MYOZ3: variants seen among roughly 807,000 people sequenced by gnomAD.
MYOZ3 encodes the protein myozenin 3, also known as myozenin-3.
Under a neutral mutation model 26.5 loss-of-function variants are expected in MYOZ3, and 19 were observed. The observed-to-expected ratio is 0.72, with a 90% confidence interval of 0.50 to 1.05. The LOEUF is 1.05. MYOZ3 is among the 50% of genes least tolerant of loss of function. The pLI, the probability that MYOZ3 is intolerant of heterozygous loss-of-function variation, is 0.00. For synonymous variants in MYOZ3, 135 were observed against 138.8 expected, an observed-to-expected ratio of 0.97 and a Z score of 0.19; for missense variants, 322 against 337.1, an observed-to-expected ratio of 0.96 and a Z score of 0.35.
At chr5:150,670,711 C>T (rs1758892437) in intron 3 of MYOZ3, 73 bp downstream of exon 3, 2 of 1,449,306 alleles carry the variant, frequency 1.4e-6, no homozygotes, top group Non-Finnish European at 1.9e-6. Context: ...TAAAGTCAAA[C>T]GGTAAGCCAG....
chr5:150,678,940 T>C lies in MYOZ3; in HGVS notation c.*2065T>C, dbSNP rs1004106435. 6.6e-6 allele frequency: 1 copy of C among 152,406 alleles called. No homozygotes were observed. Among genetic ancestry groups the C allele is most frequent in the Non-Finnish European group, 1.5e-5 (1 of 68,080 alleles). The allele number at this position is 152,406 out of a possible 1,614,324, so 9.4% of individuals were successfully genotyped here. A position where few individuals can be genotyped will look rare whatever the true frequency, so the allele number is the denominator to read the frequency against. On this transcript the variant is annotated 3_prime_UTR_variant, in exon 7 of 7. Coordinates refer to ENST00000517768, the MANE Select transcript of MYOZ3 (RefSeq NM_001122853.3). ...TCCCTGCCTCTCTCTCTGGGGGCGA[T>C]GGGGAAGGTCAGGAGTCCAGCCCAT...
chr5:150,672,371 A>G lies in MYOZ3; in HGVS notation c.456A>G (p.Pro152=). 1 of 1,612,154 alleles carries G rather than the reference A, an allele frequency of 6.2e-7. No homozygotes were observed. The highest frequency in any genetic ancestry group is 8.5e-7 in the Non-Finnish European group (1 of 1,179,374). Reference sequence around the variant, plus strand: ...CGGAGCCGCTGAAGGGCGTCCCGCCAGAGAAGTTCAACCACACCGCCATCT... The same window carrying G: ...CGGAGCCGCTGAAGGGCGTCCCGCCGGAGAAGTTCAACCACACCGCCATCT... The part of the protein sequence containing the change: ...GYAEPLKGVP[P]EKFNHTAISK... The change falls in exon 6 of 7, where the codon CCA becomes CCG. Residue 152 remains proline, a synonymous_variant. Coordinates refer to ENST00000517768, the MANE Select transcript of MYOZ3 (RefSeq NM_001122853.3).
chr5:150,668,127 A>C (rs1284311898), intron 2 of MYOZ3, among the ~76,000 whole-genome samples: 1 of 152,140 alleles, frequency 6.6e-6, no homozygotes, highest in Non-Finnish European at 1.5e-5. Flanking sequence ...TTGTTTGAAA[A>C]ACCAGGCCAG....
intron 6 of MYOZ3, among the ~76,000 whole-genome samples, 176 bp from the exon 7 acceptor site, chr5:150,676,531 G>A (rs1213753745): frequency 4.4e-5 from 6 of 137,342 alleles, no homozygotes; most frequent in Non-Finnish European, 7.5e-5. Context: ...GTGACAGAGC[G>A]AGACTCTGTC....
rs1242431762 is a variant in MYOZ3 at position 150,672,324 on chromosome 5, C to A, written c.425-16C>A. The A allele has an allele frequency of 3.2e-6, 5 of 1,584,772 alleles. No homozygotes were observed. The highest frequency in any genetic ancestry group is 1.3e-5 in the African/African-American group (1 of 74,694). ...GGTGGAAGAACGGAGGCGCTCCCTT[C>A]CCCCCGCGCCCCTAGGCTATGCGGA... On this transcript the variant is annotated splice_polypyrimidine_tract_variant and intron_variant, in intron 5 of 6. Transcript: ENST00000517768.
intron 6 of MYOZ3, among the ~76,000 whole-genome samples, chr5:150,675,224 G>T (rs1361960549): frequency 6.6e-6 from 1 of 151,412 alleles, no homozygotes; most frequent in Non-Finnish European, 1.5e-5. Flanking sequence ...GGGGAATGGC[G>T]TTTGTGTGTG....
chr5:150,675,153 G>T (rs576258929), intron 6 of MYOZ3, among the ~76,000 whole-genome samples: 1 of 152,200 alleles, frequency 6.6e-6, no homozygotes, highest in African/African-American at 2.4e-5. Context: ...AAGGTAACAT[G>T]GTTGTCAGGC....
chr5:150,676,876 C>A lies in MYOZ3; in HGVS notation c.*1C>A, dbSNP rs773158786. The A allele has an allele frequency of 2.0e-5, 32 of 1,606,030 alleles. No individual in the cohort carries two copies. The South Asian group carries it at 3.1e-4, about 15-fold the overall frequency. ...CCTCCCAGAGTCCGAGGAGCTGTAG[C>A]CCTAGCCTGAATCTTCAGTTCCCCA... On this transcript the variant is annotated 3_prime_UTR_variant, in exon 7 of 7. Coordinates refer to ENST00000517768, the MANE Select transcript of MYOZ3 (RefSeq NM_001122853.3).
chr5:150,675,562 G>A (rs1053190492), intron 6 of MYOZ3, among the ~76,000 whole-genome samples: 14 of 152,130 alleles, frequency 9.2e-5, no homozygotes, highest in African/African-American at 3.1e-4. Flanking sequence ...TACTAGCGAC[G>A]GGGTTTCACC....
intron 2 of MYOZ3, among the ~76,000 whole-genome samples, chr5:150,664,257 T>C (rs971995137): frequency 6.6e-6 from 1 of 152,146 alleles, no homozygotes; most frequent in Non-Finnish European, 1.5e-5. Context: ...TGATGTCCAG[T>C]TTCTTCCCCT....
chr5:150,667,853 T>C (rs1310761789), intron 2 of MYOZ3, among the ~76,000 whole-genome samples: 1 of 152,206 alleles, frequency 6.6e-6, no homozygotes, highest in Non-Finnish European at 1.5e-5. Flanking sequence ...AGCATGTCAT[T>C]TCACCCCGCA....
chr5:150,675,692 G>A (rs1187173532), intron 6 of MYOZ3, among the ~76,000 whole-genome samples: 6 of 152,018 alleles, frequency 3.9e-5, no homozygotes, highest in Non-Finnish European at 7.4e-5. Context: ...GCTTTCTATC[G>A]TGTGAGCATG....
intron 6 of MYOZ3, among the ~76,000 whole-genome samples, chr5:150,675,643 G>T (rs1758993464): frequency 1.3e-5 from 2 of 152,176 alleles, no homozygotes; most frequent in South Asian, 4.1e-4. Flanking sequence ...AAAGTGTTGG[G>T]ATTATAGCCG....
At position 150,676,974 on chromosome 5, in the gene MYOZ3, A is replaced by T. The variant is rs189200570; in HGVS notation, c.*99A>T. ...TTCACAGTTGAAGAAGGGCCTTCAC[A>T]CACAAAACCTGATTGCAAATGGCTT... is the stretch of plus-strand genomic sequence containing the variant. On this transcript the variant is annotated 3_prime_UTR_variant, in exon 7 of 7. Transcript: ENST00000517768. The T allele has an allele frequency of 2.9e-4, 365 of 1,246,816 alleles. 3 individuals carry two copies. The East Asian group carries it at 7.3e-3, about 25-fold the overall frequency. The allele number at this position is 1,246,816 out of a possible 1,614,324, so 77.2% of individuals were successfully genotyped here.
chr5:150,668,103 T>C lies in MYOZ3; in HGVS notation c.62-2381T>C, dbSNP rs114515832. On this transcript the variant is annotated intron_variant, in intron 2 of 6. Coordinates refer to ENST00000517768, the MANE Select transcript of MYOZ3 (RefSeq NM_001122853.3). ...TAAAGCAACCCCTCTGCCCCTTTTT[T>C]CCATGTCACTCACTTGTTTGAAAAA... Among the ~76,000 whole-genome samples the C allele has an allele frequency of 4.2e-3, 642 of 152,324 alleles. 4 individuals carry two copies. Among genetic ancestry groups the C allele is most frequent in the African/African-American group, 0.015 (616 of 41,572 alleles).
At chr5:150,669,463 C>T (rs1758866163) in intron 2 of MYOZ3, among the ~76,000 whole-genome samples, 1 of 151,400 alleles carries the variant, frequency 6.6e-6, no homozygotes, top group Non-Finnish European at 1.5e-5. Flanking sequence ...AACATGTATG[C>T]TATAATTTTA....
Position 150,670,538 on chromosome 5 carries a change from A to C in MYOZ3, c.116A>C (p.Glu39Ala). 6.2e-7 allele frequency: 1 copy of C among 1,613,318 alleles called. No individual in the cohort carries two copies. ...AGCGTGCCCCAGGACCTGATGATGG[A>C]GGAGCTGTCACTACGCAACAACAGA... ...KLSVPQDLMM[E>A]ELSLRNNRGS... The change falls in exon 3 of 7, where the codon GAG (glutamate) becomes GCG (alanine). Residue 39 changes from glutamate (E) to alanine (A), a missense_variant. Coordinates refer to ENST00000517768, the MANE Select transcript of MYOZ3 (RefSeq NM_001122853.3).
chr5:150,663,024 G>A lies in MYOZ3; in HGVS notation c.61+22G>A, dbSNP rs746967724. The A allele has an allele frequency of 3.1e-5, 50 of 1,588,386 alleles. 2 individuals carry two copies. In the South Asian group the frequency reaches 5.7e-4, roughly 18 times the overall value. On this transcript the variant is annotated intron_variant, in intron 2 of 6. Coordinates refer to ENST00000517768, the MANE Select transcript of MYOZ3 (RefSeq NM_001122853.3). ...CCAGGTAAGGTGGTTCTAGCCTCATGCCTTCCTCAGACTCCATCATTTCCT... is the reference window on the plus strand; with the variant it reads ...CCAGGTAAGGTGGTTCTAGCCTCATACCTTCCTCAGACTCCATCATTTCCT...
intron 3 of MYOZ3, chr5:150,671,300 C>G (rs1395224749): frequency 4.3e-6 from 2 of 466,464 alleles, no homozygotes; most frequent in African/African-American, 4.0e-5. Flanking sequence ...TCATAGACCC[C>G]TCTGAGGAAG....
Sources: allele counts gnomAD v4.1 joint callset (sites outside exome capture counted in the v4.1 genomes callset), GRCh38; gene constraint gnomAD v4.1.1; transcripts MANE v1.5; gene names NCBI Gene and HGNC (gene_info 2026-07-23, HGNC 2026-07-21).